The following ABI1 variants were observed in gnomAD, a reference collection of about 807,000 sequenced individuals.
The protein encoded by ABI1 is Abelson interactor 1.
Under a neutral mutation model 54.6 loss-of-function variants are expected in ABI1, and 14 were observed. The ratio of observed to expected loss-of-function variants is 0.26; its 90% CI spans 0.17 to 0.40. ABI1 has a LOEUF of 0.40. ABI1 is among the 10% of genes least tolerant of loss of function. The probability of loss-of-function intolerance (pLI) is 1.00; values close to 1 mark genes in which losing one functional copy is unlikely to be tolerated. For synonymous variants in ABI1, 194 were observed against 209.3 expected, an observed-to-expected ratio of 0.93 and a Z score of 0.63; for missense variants, 443 against 598.3, an observed-to-expected ratio of 0.74 and a Z score of 2.71.
intron 2 of ABI1, among the ~76,000 whole-genome samples, chr10:26,813,039 A>C (rs1049732827): frequency 6.6e-6 from 1 of 152,162 alleles, no homozygotes; most frequent in Non-Finnish European, 1.5e-5. Context: ...ACTTGAGGTC[A>C]GGAGTTCAAG....
chr10:26,774,761 C>G (rs1841170587), intron 3 of ABI1, among the ~76,000 whole-genome samples: 1 of 151,876 alleles, frequency 6.6e-6, no homozygotes, highest in South Asian at 2.1e-4. Flanking sequence ...GAATATTAAT[C>G]TTGGAGTATG....
At chr10:26,855,804 C>G (rs1564593303) in intron 1 of ABI1, among the ~76,000 whole-genome samples, 1 of 151,692 alleles carries the variant, frequency 6.6e-6, no homozygotes, top group Non-Finnish European at 1.5e-5. Flanking sequence ...AACTCCGTCT[C>G]TACTAAAAAT....
At chr10:26,840,129 T>G (rs1418527868) in intron 1 of ABI1, among the ~76,000 whole-genome samples, 1 of 152,226 alleles carries the variant, frequency 6.6e-6, no homozygotes, top group Non-Finnish European at 1.5e-5. Flanking sequence ...TGTTGAAATA[T>G]GATCCCCAAT....
chr10:26,802,679 C>T (rs2046638662), intron 2 of ABI1, among the ~76,000 whole-genome samples: 1 of 152,090 alleles, frequency 6.6e-6, no homozygotes, highest in Non-Finnish European at 1.5e-5. Flanking sequence ...CTTCTAAATC[C>T]AAATGGCAAG....
At chr10:26,851,509 C>T (rs1338086421) in intron 1 of ABI1, among the ~76,000 whole-genome samples, 1 of 151,746 alleles carries the variant, frequency 6.6e-6, no homozygotes, top group Non-Finnish European at 1.5e-5. Flanking sequence ...TGTAATAAAA[C>T]TAGTTAATCC....
At position 26,747,331 on chromosome 10, in the gene ABI1, T is replaced by C. The variant is rs147624781; in HGVS notation, c.*1239A>G. On this transcript the variant is annotated 3_prime_UTR_variant, in exon 11 of 11. Transcript: ENST00000376140. ...ATTAAGAGGAGACACACAAAGTGCA[T>C]GTGTTGCATTTTGATTATGTCAAAA... The C allele has an allele frequency of 9.3e-5, 21 of 225,860 alleles. No individual in the cohort carries two copies. The highest frequency in any genetic ancestry group is 4.4e-4 in the African/African-American group (20 of 45,104). The allele number at this position is 225,860 out of a possible 1,614,324, so 14.0% of individuals were successfully genotyped here. A position where few individuals can be genotyped will look rare whatever the true frequency, so the allele number is the denominator to read the frequency against.
rs1170817525 is a variant in ABI1, at chr10:26,860,486, G to T, written c.117+261C>A. Among the ~76,000 whole-genome samples the T allele has an allele frequency of 6.6e-6, 1 of 152,272 alleles. No individual in the cohort carries two copies. Among genetic ancestry groups the T allele is most frequent in the Admixed American group, 6.5e-5 (1 of 15,302 alleles). ...GGGGGCGCCGGGCTGCGGCAGCGGC[G>T]GGCTCCCGGCTCCCTCGCCCATTTT... is the stretch of plus-strand genomic sequence containing the variant. On this transcript the variant is annotated intron_variant, in intron 1 of 10. Transcript: ENST00000376140. This position sits in a 1 kb window ranked among gnomAD's most constrained non-coding sequence, Gnocchi z 4.1.
At chr10:26,813,380 C>A (rs2047360937) in intron 2 of ABI1, among the ~76,000 whole-genome samples, 1 of 98,458 alleles carries the variant, frequency 1.0e-5, no homozygotes, top group South Asian at 3.3e-4. Flanking sequence ...AAAAATATCA[C>A]CAAGTAGTCA....
In ABI1 at chr10:26,860,152, T is replaced by A. The variant is rs1369013662; in HGVS notation, c.117+595A>T. 6.6e-6 allele frequency among the ~76,000 whole-genome samples: 1 copy of A among 152,014 alleles called. No homozygotes were observed. Among genetic ancestry groups the A allele is most frequent in the Non-Finnish European group, 1.5e-5 (1 of 67,998 alleles). ...CGGGAGGTCGGTGTAATGTGACTCA[T>A]GACAAATTTTTTTTAAATAAATAAA... On this transcript the variant is annotated intron_variant, in intron 1 of 10. Transcript: ENST00000376140. The surrounding 1 kb of genome is among the most constrained non-coding windows in gnomAD (Gnocchi z 4.1).
chr10:26,855,540 G>T (rs942405689), intron 1 of ABI1, among the ~76,000 whole-genome samples: 1 of 152,142 alleles, frequency 6.6e-6, no homozygotes, highest in Non-Finnish European at 1.5e-5. Flanking sequence ...AGTTTGTAAG[G>T]ATTAAAGATA....
intron 1 of ABI1, among the ~76,000 whole-genome samples, chr10:26,835,088 C>CAAAAA (rs201431383): frequency 9.3e-5 from 3 of 32,140 alleles, no homozygotes; most frequent in Non-Finnish European, 1.9e-4. Context: ...GATTCTACCT[C>CAAAAA]AAAAAAAAAA....
chr10:26,767,566 G>A (rs556016470), intron 6 of ABI1, among the ~76,000 whole-genome samples: 29 of 152,274 alleles, frequency 1.9e-4, no homozygotes, highest in Middle Eastern at 3.4e-3. Flanking sequence ...AACCAGGAAG[G>A]AGCATGAGGG....
chr10:26,840,552 C>A (rs1254094998), intron 1 of ABI1, among the ~76,000 whole-genome samples: 2 of 152,148 alleles, frequency 1.3e-5, no homozygotes, highest in Non-Finnish European at 2.9e-5. Context: ...TTTTCCAAAT[C>A]AAAAATCAGG....
At chr10:26,798,660 T>C (rs2046355757) in intron 2 of ABI1, among the ~76,000 whole-genome samples, 1 of 151,980 alleles carries the variant, frequency 6.6e-6, no homozygotes, top group South Asian at 2.1e-4. Flanking sequence ...TATAGGAAAC[T>C]AAGGCGCACA....
intron 1 of ABI1, among the ~76,000 whole-genome samples, chr10:26,846,554 A>G (rs973147098): frequency 1.2e-4 from 18 of 151,888 alleles, no homozygotes; most frequent in African/African-American, 4.1e-4. Flanking sequence ...TGTTGGCCAG[A>G]CTGGTCTCAA....
chr10:26,771,665 G>T (rs1320224246), intron 3 of ABI1, among the ~76,000 whole-genome samples: 1 of 152,092 alleles, frequency 6.6e-6, no homozygotes, highest in Non-Finnish European at 1.5e-5. Context: ...TGATAACTTA[G>T]CCAGATTCTA....
intron 1 of ABI1, among the ~76,000 whole-genome samples, chr10:26,847,933 C>T (rs1027052260): frequency 5.3e-5 from 8 of 151,502 alleles, no homozygotes; most frequent in South Asian, 2.1e-4. Flanking sequence ...GTTGGGAGGC[C>T]GAGTCAGGAG....
chr10:26,837,966 C>A (rs1474019810), intron 1 of ABI1, among the ~76,000 whole-genome samples: 1 of 151,742 alleles, frequency 6.6e-6, no homozygotes, highest in Non-Finnish European at 1.5e-5. Context: ...CTTGGTTTCA[C>A]AGATGAAGGC....
At chr10:26,784,534 A>C (rs1159106109) in intron 2 of ABI1, among the ~76,000 whole-genome samples, 1 of 151,612 alleles carries the variant, frequency 6.6e-6, no homozygotes, top group Admixed American at 6.6e-5. Context: ...AGTAGGTCCC[A>C]CATAACTGGG....
Sources: allele counts gnomAD v4.1 joint callset (sites outside exome capture counted in the v4.1 genomes callset), GRCh38; gene constraint gnomAD v4.1.1; non-coding constraint Gnocchi (gnomAD v3.1); transcripts MANE v1.5; gene names NCBI Gene and HGNC (gene_info 2026-07-23, HGNC 2026-07-21).